ZFR: variants seen among roughly 807,000 people sequenced by gnomAD.
ZFR encodes the protein zinc finger RNA-binding protein.
A neutral mutation model predicts 130.7 loss-of-function variants in ZFR; 19 were observed. The ratio of observed to expected loss-of-function variants is 0.15; its 90% CI spans 0.10 to 0.21. ZFR has a LOEUF of 0.21. Ranked by LOEUF, ZFR falls within the 10% of genes least tolerant of loss-of-function variation. The pLI is 1.00. For synonymous variants in ZFR, 466 were observed against 456.9 expected (o/e 1.02, Z -0.25); for missense variants, 872 against 1,321.5 (o/e 0.66, Z 5.27).
intron 14 of ZFR, among the ~76,000 whole-genome samples, chr5:32,386,919 A>C (rs777665611): frequency 1.3e-5 from 2 of 152,158 alleles, no homozygotes; most frequent in African/African-American, 2.4e-5. Flanking sequence ...TTTAAATCTC[A>C]GTCATTCTGA....
chr5:32,371,859 T>C (rs1393779719), intron 17 of ZFR, among the ~76,000 whole-genome samples: 1 of 146,792 alleles, frequency 6.8e-6, no homozygotes, highest in Admixed American at 6.8e-5. Flanking sequence ...GAATTAGAGG[T>C]AGGGAAAAAA....
intron 4 of ZFR, among the ~76,000 whole-genome samples, chr5:32,415,885 T>G (rs1298121165): frequency 6.6e-6 from 1 of 151,656 alleles, no homozygotes; most frequent in Non-Finnish European, 1.5e-5. Flanking sequence ...CTAAAGCACA[T>G]AAATGTTATT....
At chr5:32,442,432 A>AT (rs1215110931) in intron 2 of ZFR, among the ~76,000 whole-genome samples, 1 of 152,220 alleles carries the variant, frequency 6.6e-6, no homozygotes, top group Non-Finnish European at 1.5e-5. Flanking sequence ...AAGCTGTTGA[A>AT]TTTTTTAAAA....
At position 32,406,885 on chromosome 5, in the gene ZFR, G is replaced by C. The variant is rs755125519; in HGVS notation, c.921C>G (p.Thr307=). Residue 307 remains threonine (T), a synonymous_variant, in exon 6 of 20, where the codon ACC becomes ACG. Coordinates refer to ENST00000265069, the MANE Select transcript of ZFR (RefSeq NM_016107.5). ...TTTGGAATGGTGCTTTTTTAGTAAA[G>C]GTGGTCCCTGTCCAGGCAGCTGTTG... ...AAATAAWTGT[T]FTKKAPFQNK... 1.2e-6 allele frequency: 2 copies of C among 1,613,964 alleles called. No individual in the cohort carries two copies.
chr5:32,435,384 G>A (rs190169075), intron 2 of ZFR, among the ~76,000 whole-genome samples: 4 of 152,228 alleles, frequency 2.6e-5, no homozygotes, highest in South Asian at 2.1e-4. Context: ...GAATATTTTC[G>A]GAAGTGTGTG....
chr5:32,410,967 C>A (rs1428516162), intron 5 of ZFR, among the ~76,000 whole-genome samples: 1 of 152,206 alleles, frequency 6.6e-6, no homozygotes, highest in Non-Finnish European at 1.5e-5. Context: ...CAAATCTTTA[C>A]ATGTAAGGAT....
At chr5:32,443,230 G>T (rs1051949185) in intron 2 of ZFR, among the ~76,000 whole-genome samples, 1 of 152,180 alleles carries the variant, frequency 6.6e-6, no homozygotes, top group African/African-American at 2.4e-5. Context: ...CTTATGGCCT[G>T]AATCAAAAGT....
At position 32,419,845 on chromosome 5, in the gene ZFR, G is replaced by A; in HGVS notation, c.396C>T (p.Pro132=). Residue 132 remains proline (P), a synonymous_variant, in exon 3 of 20, where the codon CCC becomes CCT. Coordinates refer to ENST00000265069, the MANE Select transcript of ZFR (RefSeq NM_016107.5). ...QRQQEAPPPP[P]PATTQNYQDS... is the part of the protein sequence containing the mutation. ...CCTGGTAGTTTTGTGTAGTAGCTGG[G>A]GGTGGTGGTGGTGGTGCTTCTTGTT... 11 of 1,607,274 alleles carry A rather than the reference G, an allele frequency of 6.8e-6. No homozygotes were observed. The highest frequency in any genetic ancestry group is 9.4e-6 in the Non-Finnish European group (11 of 1,175,018).
chr5:32,419,774 C>CA (rs750340006), intron 3 of ZFR, 47 bp downstream of exon 3: 1 of 1,535,138 alleles, frequency 6.5e-7, no homozygotes, highest in Non-Finnish European at 8.7e-7. Flanking sequence ...ACACTGAAGA[C>CA]AAAGAAACCC....
chr5:32,417,828 G>C (rs752426496), intron 3 of ZFR, 36 bp from the exon 4 acceptor site: 1 of 1,603,392 alleles, frequency 6.2e-7, no homozygotes, highest in South Asian at 1.1e-5. Flanking sequence ...CTTGCTATGA[G>C]ACAAGTGGAA....
chr5:32,389,736 G>A (rs1051494338), intron 12 of ZFR, among the ~76,000 whole-genome samples: 10 of 152,202 alleles, frequency 6.6e-5, no homozygotes, highest in African/African-American at 1.2e-4. Flanking sequence ...CTCCGTTCCC[G>A]TTTAGCATAT....
At chr5:32,357,263 GTATT>G (rs1350640741) in intron 19 of ZFR, among the ~76,000 whole-genome samples, 3 of 151,378 alleles carry the variant, frequency 2.0e-5, no homozygotes, top group South Asian at 2.1e-4. Flanking sequence ...GCTATAACTT[GTATT>G]TATTTATTTA....
At chr5:32,427,374 CAAA>C (rs540663022) in intron 2 of ZFR, among the ~76,000 whole-genome samples, 994 of 66,488 alleles carry the variant, frequency 0.015, 14 homozygotes, top group African/African-American at 0.061. Flanking sequence ...GACTCTGTCT[CAAA>C]AAAAAAAAAA....
At chr5:32,383,898 C>G in intron 15 of ZFR, 1 of 427,332 alleles carries the variant, frequency 2.3e-6, no homozygotes, top group South Asian at 1.7e-5. Flanking sequence ...TGTCTTGAAG[C>G]AAAATCTTTC....
At chr5:32,368,243 TTCC>T (rs1207192808) in intron 17 of ZFR, among the ~76,000 whole-genome samples, 3 of 1,460 alleles carry the variant, frequency 2.1e-3, no homozygotes, top group African/African-American at 7.0e-3. Context: ...CAAAACTTTT[TTCC>T]CCCCCCAACA....
intron 17 of ZFR, among the ~76,000 whole-genome samples, chr5:32,376,773 G>A (rs1262139216): frequency 6.6e-6 from 1 of 152,062 alleles, no homozygotes; most frequent in Non-Finnish European, 1.5e-5. Flanking sequence ...GATCACCCAA[G>A]GTTAGCAGTT....
At chr5:32,380,614 T>C (rs1030131986) in intron 15 of ZFR, among the ~76,000 whole-genome samples, 25 of 151,566 alleles carry the variant, frequency 1.6e-4, no homozygotes, top group Non-Finnish European at 2.9e-5. Flanking sequence ...TAGTTACAGT[T>C]ATAGGAAAAA....
intron 5 of ZFR, among the ~76,000 whole-genome samples, chr5:32,414,350 A>C (rs1753775230): frequency 1.3e-5 from 2 of 152,222 alleles, no homozygotes; most frequent in Admixed American, 1.3e-4. Context: ...GTGTGATCTT[A>C]ATCACTGTGA....
rs537979500 is a variant in ZFR at position 32,429,071 on chromosome 5, C to T, written c.138-8968G>A. Among the ~76,000 whole-genome samples the T allele has an allele frequency of 2.0e-5, 3 of 150,900 alleles. No individual in the cohort carries two copies. The East Asian group carries it at 5.9e-4, about 29-fold the overall frequency. On this transcript the variant is annotated intron_variant, in intron 2 of 19. Coordinates refer to ENST00000265069, the MANE Select transcript of ZFR (RefSeq NM_016107.5). ...CGTGATCTCGGCTAGCTGCAAGCTC[C>T]ACCTCCCGGGTTCACGCCATTCTCC...
Sources: gnomAD v4.1 joint callset for allele counts (sites outside exome capture counted in the v4.1 genomes callset) on GRCh38, gnomAD v4.1.1 for gene constraint, MANE v1.5 for transcripts, NCBI Gene and HGNC (gene_info 2026-07-23, HGNC 2026-07-21) for gene names.